The following CCDC7 variants were observed in gnomAD, a reference collection of about 807,000 sequenced individuals.
CCDC7 encodes coiled-coil domain containing 7.
Under a neutral mutation model 196.9 loss-of-function variants are expected in CCDC7, and 183 were observed. That is an observed-to-expected ratio of 0.93 (90% CI 0.82 to 1.05). The LOEUF is 1.05. Ranked by LOEUF, CCDC7 falls within the 50% of genes least tolerant of loss-of-function variation. CCDC7 has a pLI of 0.00. For missense variants in CCDC7, 1,540 were observed against 1,482.2 expected (o/e 1.04, Z -0.64); for synonymous variants, 525 against 484.6 (o/e 1.08, Z -1.10).
chr10:32,757,281 G>A (rs756226576), intron 28 of CCDC7, among the ~76,000 whole-genome samples: 83 of 152,116 alleles, frequency 5.5e-4, no homozygotes, highest in Non-Finnish European at 8.2e-4. Flanking sequence ...ATCTCCCCCC[G>A]AAATCAACAG....
intron 18 of CCDC7, among the ~76,000 whole-genome samples, chr10:32,590,028 T>C (rs1442177368): frequency 6.6e-6 from 1 of 152,178 alleles, no homozygotes; most frequent in Admixed American, 6.5e-5. Context: ...TCTGTATCTT[T>C]TGATTGGACA....
At chr10:32,564,623 G>A (rs572713173) in intron 13 of CCDC7, among the ~76,000 whole-genome samples, 1 of 151,622 alleles carries the variant, frequency 6.6e-6, no homozygotes, top group Admixed American at 6.6e-5. Flanking sequence ...GACACAGGAA[G>A]GGGAACATCA....
intron 22 of CCDC7, among the ~76,000 whole-genome samples, chr10:32,686,458 C>T (rs111236749): frequency 3.9e-5 from 6 of 152,150 alleles, no homozygotes; most frequent in African/African-American, 1.4e-4. Context: ...AGAAAGTTTG[C>T]CAAGACCTGT....
chr10:32,741,777 C>A (rs1214419825), intron 28 of CCDC7, among the ~76,000 whole-genome samples: 2 of 152,064 alleles, frequency 1.3e-5, no homozygotes, highest in Non-Finnish European at 2.9e-5. Flanking sequence ...ATGTTCAATT[C>A]TCCCATTGTG....
chr10:32,680,390 G>T (rs1483539760), intron 21 of CCDC7, among the ~76,000 whole-genome samples: 1 of 151,586 alleles, frequency 6.6e-6, no homozygotes, highest in Non-Finnish European at 1.5e-5. Context: ...ACCAATGAGA[G>T]TTTATGTTGG....
At chr10:32,511,230 T>G in intron 9 of CCDC7, 1 of 708,742 alleles carries the variant, frequency 1.4e-6, no homozygotes, top group Non-Finnish European at 2.4e-6. Context: ...CATTTAAACC[T>G]TGTCCTGCCA....
chr10:32,607,793 TG>T (rs1317688220), intron 18 of CCDC7, among the ~76,000 whole-genome samples: 4 of 152,180 alleles, frequency 2.6e-5, no homozygotes, highest in Non-Finnish European at 4.4e-5. Context: ...TTTTCTTTTT[TG>T]TTGTATCTTT....
intron 20 of CCDC7, among the ~76,000 whole-genome samples, chr10:32,648,565 T>C (rs1264938448): frequency 1.3e-5 from 2 of 152,222 alleles, no homozygotes; most frequent in East Asian, 3.8e-4. Context: ...TATTTCTGCC[T>C]CTAGGTCTTT....
chr10:32,451,658 C>T, exon 1 of CCDC7: 1 of 1,601,752 alleles, frequency 6.2e-7, no homozygotes, highest in African/African-American at 1.3e-5. Flanking sequence ...ACCAGTAAAG[C>T]ATCTGTTGAC....
intron 33 of CCDC7, among the ~76,000 whole-genome samples, chr10:32,840,595 T>C (rs956480623): frequency 3.3e-5 from 5 of 151,986 alleles, no homozygotes; most frequent in African/African-American, 7.2e-5. Context: ...TTGGTACCAA[T>C]CCTACTGAGG....
intron 20 of CCDC7, among the ~76,000 whole-genome samples, chr10:32,654,332 T>C (rs1240172097): frequency 6.6e-6 from 1 of 152,224 alleles, no homozygotes; most frequent in Admixed American, 6.5e-5. Context: ...AGAGTTTTTA[T>C]TAACTGATCT....
Position 32,517,957 on chromosome 10 carries a change from TC to T in CCDC7, c.886del (p.Gln296LysfsTer4). 6.3e-7 allele frequency: 1 copy of T among 1,591,324 alleles called. No individual in the cohort carries two copies. On this transcript the variant is annotated frameshift_variant, in exon 10 of 42. Coordinates refer to ENST00000639629, the Ensembl canonical transcript of CCDC7. LOFTEE classifies it high-confidence loss of function. ...GTTTATTTTTCAGAGCTGTAAATGA[TC>T]AAGTTTTGTTAGATGCTGTAAGTAT... is the stretch of plus-strand genomic sequence containing the variant.
At chr10:32,482,734 T>C (rs1481664186) in intron 8 of CCDC7, among the ~76,000 whole-genome samples, 2 of 151,854 alleles carry the variant, frequency 1.3e-5, no homozygotes, top group African/African-American at 4.8e-5. Flanking sequence ...CACCTATGAG[T>C]GAGGACATGC....
chr10:32,583,680 T>G (rs1229992274), intron 17 of CCDC7, among the ~76,000 whole-genome samples: 4 of 152,090 alleles, frequency 2.6e-5, no homozygotes, highest in African/African-American at 9.6e-5. Flanking sequence ...TTGAAACAAT[T>G]TTATATAGGT....
chr10:32,817,926 CAACT>C, intron 31 of CCDC7, among the ~76,000 whole-genome samples: 2 of 152,284 alleles, frequency 1.3e-5, no homozygotes, highest in East Asian at 3.9e-4. Context: ...GAAACTGCAT[CAACT>C]AACGAGCAAA....
At chr10:32,708,718 A>C (rs1235661863) in intron 24 of CCDC7, among the ~76,000 whole-genome samples, 2 of 152,234 alleles carry the variant, frequency 1.3e-5, no homozygotes, top group African/African-American at 4.8e-5. Flanking sequence ...ACACATGAAA[A>C]AATGCTCATC....
At chr10:32,801,325 G>C (rs777990069) in intron 29 of CCDC7, among the ~76,000 whole-genome samples, 6 of 152,202 alleles carry the variant, frequency 3.9e-5, no homozygotes, top group African/African-American at 1.4e-4. Flanking sequence ...AACCAAGAGA[G>C]ATCAGGCATT....
rs910225663 is a variant in CCDC7 at position 32,518,533 on chromosome 10, G to T, written c.993+28G>T. On this transcript the variant is annotated intron_variant, in intron 11 of 41. Transcript: ENST00000639629. ...TGGAAAAATTTTAGTGTTTGAAAAT[G>T]GCATACACCTAATAAGGCTTATTAT... 24 of 1,571,926 alleles carry T rather than the reference G, an allele frequency of 1.5e-5. No individual in the cohort carries two copies. The African/African-American group carries it at 2.2e-4, about 14-fold the overall frequency.
At chr10:32,687,569 T>C (rs1045248524) in intron 22 of CCDC7, among the ~76,000 whole-genome samples, 6 of 152,246 alleles carry the variant, frequency 3.9e-5, no homozygotes, top group Admixed American at 6.5e-5. Flanking sequence ...TATAGCATTA[T>C]CTGTTTCACC....
Sources: gnomAD v4.1 joint callset for allele counts (sites outside exome capture counted in the v4.1 genomes callset) on GRCh38, gnomAD v4.1.1 for gene constraint, MANE v1.5 for transcripts, NCBI Gene and HGNC (gene_info 2026-07-23, HGNC 2026-07-21) for gene names.